The following ABLIM2 variants were observed in gnomAD, a reference collection of about 807,000 sequenced individuals.
ABLIM2 encodes actin binding LIM protein family member 2, also known as actin-binding LIM protein 2.
In ABLIM2, 53 loss-of-function variants were observed where a neutral mutation model predicts 97.7. That is an observed-to-expected ratio of 0.54 (90% CI 0.44 to 0.68). The LOEUF is 0.68. Ranked by LOEUF, ABLIM2 falls within the 30% of genes least tolerant of loss-of-function variation. The probability of loss-of-function intolerance (pLI) is 0.00; values close to 1 mark genes in which losing one functional copy is unlikely to be tolerated. For synonymous variants in ABLIM2, 361 were observed against 345.8 expected (o/e 1.04, Z -0.49); for missense variants, 835 against 867.2 (o/e 0.96, Z 0.47).
At position 8,068,211 on chromosome 4, in the gene ABLIM2, C is replaced by T. The variant is rs958008226; in HGVS notation, c.676-7157G>A. 6.6e-6 allele frequency among the ~76,000 whole-genome samples: 1 copy of T among 152,182 alleles called. No individual in the cohort carries two copies. Among genetic ancestry groups the T allele is most frequent in the Non-Finnish European group, 1.5e-5 (1 of 68,030 alleles). ...CAGGCGGAAGTCCCACCCTCGCCCG[C>T]GTGGGGCTCATGATGGCTCGGATTT... is the stretch of plus-strand genomic sequence containing the variant. On this transcript the variant is annotated intron_variant, in intron 6 of 20. Coordinates refer to ENST00000447017, the MANE Select transcript of ABLIM2 (RefSeq NM_001130083.2). The surrounding 1 kb of genome is among the most constrained non-coding windows in gnomAD (Gnocchi z 4.5).
Position 8,085,335 on chromosome 4 carries a change from C to A in ABLIM2, c.454+2834G>T, listed in dbSNP as rs1561274334. On this transcript the variant is annotated intron_variant, in intron 4 of 20. Transcript: ENST00000447017. The surrounding 1 kb of genome is among the most constrained non-coding windows in gnomAD (Gnocchi z 6.1). ...ACTGACTTGACTCTACCCCACTCCACAACCATCTATTGCTCCTCACGGCCT... is the reference window on the plus strand; with the variant it reads ...ACTGACTTGACTCTACCCCACTCCAAAACCATCTATTGCTCCTCACGGCCT... 6.6e-6 allele frequency among the ~76,000 whole-genome samples: 1 copy of A among 152,208 alleles called. No individual in the cohort carries two copies. Among genetic ancestry groups the A allele is most frequent in the Non-Finnish European group, 1.5e-5 (1 of 68,034 alleles).
intron 16 of ABLIM2, among the ~76,000 whole-genome samples, chr4:8,000,872 T>C (rs1021127833): frequency 8.6e-5 from 13 of 151,902 alleles, no homozygotes; most frequent in African/African-American, 3.2e-4. Context: ...GCCTGTTCTC[T>C]GCGGGTCTGT....
In ABLIM2 at chr4:8,019,665, C is replaced by T; in HGVS notation, c.1376G>A (p.Gly459Asp). The change falls in exon 14 of 21, where the codon GGC becomes GAC. Residue 459 changes from glycine (G) to aspartate (D), a missense_variant. Gly to Asp is a moderately conservative substitution (Grantham distance 94). Transcript: ENST00000447017. The surrounding 1 kb of genome is among the most constrained non-coding windows in gnomAD (Gnocchi z 4.3). ...APRHFHVPDT[G>D]VKDNIYRKPP... ...TTTCCTATAGATGTTATCTTTTACG[C>T]CAGTGTCTGGGGAAGAAGAAAGAAA... is the stretch of plus-strand genomic sequence containing the variant. The T allele has an allele frequency of 1.2e-6, 2 of 1,611,998 alleles. No individual in the cohort carries two copies. Among genetic ancestry groups the T allele is most frequent in the East Asian group, 2.2e-5 (1 of 44,826 alleles).
intron 1 of ABLIM2, among the ~76,000 whole-genome samples, chr4:8,135,877 T>C (rs1439333320): frequency 6.6e-6 from 1 of 152,120 alleles, no homozygotes; most frequent in African/African-American, 2.4e-5. Flanking sequence ...GCCAACGTGG[T>C]GAAGAATGAA....
intron 3 of ABLIM2, among the ~76,000 whole-genome samples, chr4:8,094,932 CCTTT>C (rs1181174448): frequency 6.7e-6 from 1 of 149,006 alleles, no homozygotes; most frequent in African/African-American, 2.5e-5. Flanking sequence ...TCCCTCCCTC[CCTTT>C]CTTCCTTTCC....
At chr4:8,108,213 C>T (rs1838415863) in intron 1 of ABLIM2, among the ~76,000 whole-genome samples, 2 of 152,244 alleles carry the variant, frequency 1.3e-5, no homozygotes, top group African/African-American at 2.4e-5. Context: ...AAGCCCCTCC[C>T]CTCTGCATTC....
intron 1 of ABLIM2, among the ~76,000 whole-genome samples, chr4:8,136,733 A>G (rs1046108826): frequency 2.0e-5 from 3 of 152,146 alleles, no homozygotes; most frequent in Non-Finnish European, 4.4e-5. Context: ...ACATTTTCCC[A>G]CTCAGTGTGG....
At chr4:8,053,940 C>T (rs1052419824) in intron 8 of ABLIM2, among the ~76,000 whole-genome samples, 4 of 152,154 alleles carry the variant, frequency 2.6e-5, no homozygotes, top group East Asian at 1.9e-4. Context: ...CTTCTTTTTA[C>T]GTAGATTACC....
At position 8,002,972 on chromosome 4, in the gene ABLIM2, G is replaced by A. The variant is rs944934061; in HGVS notation, c.1618+5087C>T. On this transcript the variant is annotated intron_variant, in intron 16 of 20. Coordinates refer to ENST00000447017, the MANE Select transcript of ABLIM2 (RefSeq NM_001130083.2). The surrounding 1 kb of genome is among the most constrained non-coding windows in gnomAD (Gnocchi z 6.1). ...TCTAGCCCTCTTAGCACAGGGCACT[G>A]ATATAACTCACTTTCAGCTTGTTTC... Among the ~76,000 whole-genome samples the A allele has an allele frequency of 1.3e-5, 2 of 152,300 alleles. No individual in the cohort carries two copies. The highest frequency in any genetic ancestry group is 4.1e-4 in the South Asian group (2 of 4,824).
At chr4:7,981,594 T>C (rs970597184) in intron 20 of ABLIM2, among the ~76,000 whole-genome samples, 5 of 152,182 alleles carry the variant, frequency 3.3e-5, no homozygotes, top group Non-Finnish European at 5.9e-5. Flanking sequence ...ACACAGTAAA[T>C]TCCTTCTCTG....
At chr4:8,017,063 C>G (rs1444900849) in intron 14 of ABLIM2, among the ~76,000 whole-genome samples, 2 of 152,080 alleles carry the variant, frequency 1.3e-5, no homozygotes, top group African/African-American at 2.4e-5. Flanking sequence ...ATGAGTGACC[C>G]TAGATGGTGT....
intron 6 of ABLIM2, among the ~76,000 whole-genome samples, chr4:8,074,849 C>T (rs1009144081): frequency 8.8e-5 from 13 of 148,496 alleles, no homozygotes; most frequent in East Asian, 6.0e-4. Flanking sequence ...GGCGCAGTCT[C>T]GGCTCACTGC....
rs931056386 is a variant in ABLIM2, at chr4:8,015,622, G to T, written c.1423+3996C>A. Among the ~76,000 whole-genome samples the T allele has an allele frequency of 1.3e-5, 2 of 152,178 alleles. No individual in the cohort carries two copies. Among genetic ancestry groups the T allele is most frequent in the Non-Finnish European group, 2.9e-5 (2 of 68,030 alleles). The stretch of plus-strand genomic sequence containing the variant: ...AGACACAGGGAACAACGTGTGTCCC[G>T]TGGGGTCACTTCCACTGTTGGCTTT... On this transcript the variant is annotated intron_variant, in intron 14 of 20. Transcript: ENST00000447017. The surrounding 1 kb of genome is among the most constrained non-coding windows in gnomAD (Gnocchi z 4.6).
intron 9 of ABLIM2, among the ~76,000 whole-genome samples, chr4:8,042,015 C>T (rs935771058): frequency 1.2e-4 from 19 of 152,340 alleles, no homozygotes; most frequent in African/African-American, 4.6e-4. Context: ...CACGAATGAG[C>T]GCTTAGCAGG....
Position 8,125,283 on chromosome 4 carries a change from G to A in ABLIM2, c.11-18646C>T, listed in dbSNP as rs1311600092. 2.0e-5 allele frequency among the ~76,000 whole-genome samples: 3 copies of A among 152,110 alleles called. No individual in the cohort carries two copies. The highest frequency in any genetic ancestry group is 2.1e-4 in the South Asian group (1 of 4,822). On this transcript the variant is annotated intron_variant, in intron 1 of 20. Coordinates refer to ENST00000447017, the MANE Select transcript of ABLIM2 (RefSeq NM_001130083.2). The surrounding 1 kb of genome is among the most constrained non-coding windows in gnomAD (Gnocchi z 6.2). The stretch of plus-strand genomic sequence containing the variant: ...TTGGTGTCTTTTCTAAGAAACCATC[G>A]CCTGATCCACCGTCATGAAGATGCG...
At chr4:8,093,054 G>A (rs939258774) in intron 3 of ABLIM2, among the ~76,000 whole-genome samples, 6 of 152,020 alleles carry the variant, frequency 3.9e-5, no homozygotes, top group Non-Finnish European at 4.4e-5. Context: ...TCACCACGTT[G>A]GCCAGGCTGG....
rs567939149 is a variant in ABLIM2, at chr4:8,072,397, G to A, written c.675+5231C>T. On this transcript the variant is annotated intron_variant, in intron 6 of 20. Transcript: ENST00000447017. This position sits in a 1 kb window ranked among gnomAD's most constrained non-coding sequence, Gnocchi z 5.8. ...GAGGCAGAGCAGCCCCAGTTTGGGT[G>A]GGGTCTGCCCCCGACCCCAGGCCAG... 3.3e-5 allele frequency among the ~76,000 whole-genome samples: 5 copies of A among 152,324 alleles called. No homozygotes were observed. In the South Asian group the frequency reaches 1.0e-3, roughly 32 times the overall value.
At chr4:8,029,956 G>C (rs146485299) in intron 10 of ABLIM2, among the ~76,000 whole-genome samples, 180 bp from the exon 11 acceptor site, 102 of 152,322 alleles carry the variant, frequency 6.7e-4, no homozygotes, top group African/African-American at 2.4e-3. Flanking sequence ...AGTGGGGCTG[G>C]TGTGGTGCAG....
At chr4:8,051,870 A>G (rs1157569639) in intron 8 of ABLIM2, among the ~76,000 whole-genome samples, 1 of 152,174 alleles carries the variant, frequency 6.6e-6, no homozygotes, top group African/African-American at 2.4e-5. Flanking sequence ...TCCATGGGCT[A>G]TGTGAATGAC....
Sources: allele counts gnomAD v4.1 joint callset (sites outside exome capture counted in the v4.1 genomes callset), GRCh38; gene constraint gnomAD v4.1.1; non-coding constraint Gnocchi (gnomAD v3.1); transcripts MANE v1.5; gene names NCBI Gene and HGNC (gene_info 2026-07-23, HGNC 2026-07-21).